Variants in KARS1 observed in about 807,000 individuals in gnomAD.
KARS1 encodes lysyl-tRNA synthetase 1.
KARS1 carries 50 observed loss-of-function variants against 63.9 expected under a neutral mutation model. That is an observed-to-expected ratio of 0.78 (90% CI 0.62 to 0.99). KARS1 has a LOEUF of 0.99. Ranked by LOEUF, KARS1 falls within the 50% of genes least tolerant of loss-of-function variation. The pLI is 0.00. For missense variants in KARS1, 816 were observed against 754.5 expected, an observed-to-expected ratio of 1.08 and a Z score of -0.95; for synonymous variants, 320 against 264.6, an observed-to-expected ratio of 1.21 and a Z score of -2.03.
At chr16:75,640,921 G>A (rs1443665965) in intron 2 of KARS1, among the ~76,000 whole-genome samples, 1 of 152,168 alleles carries the variant, frequency 6.6e-6, no homozygotes, top group African/African-American at 2.4e-5. Flanking sequence ...ACCAAGGAGG[G>A]GCAAGGTGTG....
In KARS1 at chr16:75,631,224, C is replaced by T. The variant is rs1478206375; in HGVS notation, c.1282G>A (p.Val428Met). ...ETRKILDDIC[V>M]AKAVECPPPR... is the part of the protein sequence containing the mutation. The stretch of plus-strand genomic sequence containing the variant: ...GGAGGGCATTCAACAGCTTTTGCCA[C>T]ACAGATATCATCAAGAATTTTGCGA... The change falls in exon 10 of 14, where the codon GTG (valine) becomes ATG (methionine). Residue 428 changes from valine (V) to methionine (M), a missense_variant. By Grantham distance (21) the Val-to-Met change is conservative. Coordinates refer to ENST00000302445, the MANE Select transcript of KARS1 (RefSeq NM_005548.3). The T allele has an allele frequency of 1.9e-6, 3 of 1,613,954 alleles. No homozygotes were observed. The highest frequency in any genetic ancestry group is 2.7e-5 in the African/African-American group (2 of 74,920).
chr16:75,633,090 A>G (rs1053568930), intron 7 of KARS1, among the ~76,000 whole-genome samples: 6 of 152,314 alleles, frequency 3.9e-5, no homozygotes, highest in African/African-American at 1.2e-4. Flanking sequence ...CTGGACTTTA[A>G]TAATTCCTAG....
In KARS1 at chr16:75,629,456, C is replaced by T. The variant is rs768271183; in HGVS notation, c.1510G>A (p.Asp504Asn). ...AAAAGCTGCCGCTGCCGCATGGGAT[C>T]ATTCAGCTCAGTATACGCATTGCAT... Reference protein sequence around the residue: ...EICNAYTELNDPMRQRQLFEE... With the variant: ...EICNAYTELNNPMRQRQLFEE... Residue 504 changes from aspartate to asparagine, a missense_variant, in exon 12 of 14, where the codon GAT (aspartate) becomes AAT (asparagine). By Grantham distance (23) the Asp-to-Asn change is conservative. Transcript: ENST00000302445. 1 of 1,614,210 alleles carries T rather than the reference C, an allele frequency of 6.2e-7. No individual in the cohort carries two copies. Among genetic ancestry groups the T allele is most frequent in the South Asian group, 1.1e-5 (1 of 91,076 alleles).
chr16:75,647,341 C>A, intron 1 of KARS1: 2 of 584,962 alleles, frequency 3.4e-6, no homozygotes, highest in Non-Finnish European at 6.1e-6. Flanking sequence ...AGTCTCTTAA[C>A]TCTAGGAGTA....
In KARS1 at chr16:75,647,618, C is replaced by A. The variant is rs869312925; in HGVS notation, c.22G>T (p.Glu8Ter). 6.2e-7 allele frequency: 1 copy of A among 1,613,436 alleles called. No homozygotes were observed. ...GGCTCGCTGCCATCCACTTTCACCTCGGCCGCCTGCACGGCCGCCATCTTC... is the reference window on the plus strand; with the variant it reads ...GGCTCGCTGCCATCCACTTTCACCTAGGCCGCCTGCACGGCCGCCATCTTC... MAAVQAA[E>*]VKVDGSEPKL... Residue 8 changes from glutamate (E) to a stop codon, truncating the protein, a stop_gained, in exon 1 of 14, where the codon GAG (glutamate) becomes TAG (stop). Coordinates refer to ENST00000302445, the MANE Select transcript of KARS1 (RefSeq NM_005548.3). LOFTEE classifies it high-confidence loss of function.
At chr16:75,635,137 A>G (rs1437041408) in intron 6 of KARS1, among the ~76,000 whole-genome samples, 1 of 152,222 alleles carries the variant, frequency 6.6e-6, no homozygotes, top group African/African-American at 2.4e-5. Context: ...CACAATACAC[A>G]TAGTGTGACT....
chr16:75,636,622 T>A, intron 3 of KARS1, 75 bp from the exon 4 acceptor site: 2 of 921,126 alleles, frequency 2.2e-6, no homozygotes, highest in South Asian at 1.4e-5. Flanking sequence ...AAAAAAAAAC[T>A]CCCTCTGCAT....
chr16:75,633,425 T>A (rs2082132297), intron 7 of KARS1, among the ~76,000 whole-genome samples: 1 of 152,236 alleles, frequency 6.6e-6, no homozygotes, highest in Non-Finnish European at 1.5e-5. Flanking sequence ...TTATAACAGT[T>A]TCTGTTGTCT....
At chr16:75,634,130 T>C (rs2082138806) in intron 7 of KARS1, 43 bp downstream of exon 7, 1 of 1,606,974 alleles carries the variant, frequency 6.2e-7, no homozygotes, top group African/African-American at 1.3e-5. Context: ...GTATTCCAGC[T>C]TTCTGCTTCT....
In KARS1 at chr16:75,628,746, C is replaced by T. The variant is rs760749777; in HGVS notation, c.1552-34G>A. The T allele has an allele frequency of 5.0e-6, 8 of 1,612,816 alleles. No individual in the cohort carries two copies. In the African/African-American group the frequency reaches 5.3e-5, roughly 11 times the overall value. On this transcript the variant is annotated intron_variant, in intron 12 of 13. Coordinates refer to ENST00000302445, the MANE Select transcript of KARS1 (RefSeq NM_005548.3). ...GGAAAGAGAACCAAAAGGTGACCTT[C>T]TTCTAAGATATCTCAGTGTGTGAGT...
intron 11 of KARS1, among the ~76,000 whole-genome samples, 168 bp from the exon 12 acceptor site, chr16:75,629,709 C>T (rs995328583): frequency 6.6e-6 from 1 of 152,212 alleles, no homozygotes; most frequent in Non-Finnish European, 1.5e-5. Context: ...AAGCACTTCT[C>T]CTGCCTCAGC....
At chr16:75,646,748 G>C (rs1370900762) in intron 1 of KARS1, among the ~76,000 whole-genome samples, 1 of 151,444 alleles carries the variant, frequency 6.6e-6, no homozygotes, top group Non-Finnish European at 1.5e-5. Context: ...CTGGGTTAAA[G>C]CGATTCTCCT....
At chr16:75,635,583 C>T in intron 6 of KARS1, 97 bp downstream of exon 6, 1 of 1,362,334 alleles carries the variant, frequency 7.3e-7, no homozygotes, top group South Asian at 1.2e-5. Context: ...CATGAAGGAT[C>T]CTGACACAGG....
chr16:75,629,062 T>C (rs969737443), intron 12 of KARS1: 10 of 464,600 alleles, frequency 2.2e-5, no homozygotes, highest in African/African-American at 1.4e-4. Context: ...CAACACCTGC[T>C]GCAGGCAGCC....
intron 10 of KARS1, among the ~76,000 whole-genome samples, chr16:75,630,751 C>T (rs1227830593): frequency 6.6e-6 from 1 of 152,044 alleles, no homozygotes; most frequent in Non-Finnish European, 1.5e-5. Context: ...TCTCGTGCCT[C>T]AGCCTCCTGA....
chr16:75,629,676 T>C (rs1448363222), intron 11 of KARS1, 135 bp from the exon 12 acceptor site: 1 of 896,666 alleles, frequency 1.1e-6, no homozygotes, highest in Admixed American at 1.8e-5. Flanking sequence ...CTCGGCTCAC[T>C]GCAACCTCTG....
intron 1 of KARS1, among the ~76,000 whole-genome samples, chr16:75,647,188 G>A (rs1022358078): frequency 6.6e-6 from 1 of 152,188 alleles, no homozygotes; most frequent in Non-Finnish European, 1.5e-5. Flanking sequence ...AAAAGCTAGG[G>A]TATTTAACAT....
rs765141659 is a variant in KARS1, at chr16:75,634,174, T to G, written c.914A>C (p.Lys305Thr). The change falls in exon 7 of 14, where the codon AAG becomes ACG. Residue 305 changes from lysine to threonine, a missense_variant and splice_region_variant. Physicochemically the swap from Lys to Thr is moderately conservative, Grantham distance 78. Coordinates refer to ENST00000302445, the MANE Select transcript of KARS1 (RefSeq NM_005548.3). ...AAAGGGTGTACTATTACTGACTACCTTATGATAGAGTTCTGGAGCAATTCT... is the reference window on the plus strand; with the variant it reads ...AAAGGGTGTACTATTACTGACTACCGTATGATAGAGTTCTGGAGCAATTCT... ...YMRIAPELYH[K>T]MLVVGGIDRV... 6.2e-7 allele frequency: 1 copy of G among 1,613,766 alleles called. No homozygotes were observed. Among genetic ancestry groups the G allele is most frequent in the Non-Finnish European group, 8.5e-7 (1 of 1,179,688 alleles).
chr16:75,634,077 C>G (rs1312703237), intron 7 of KARS1, 96 bp downstream of exon 7: 2 of 1,356,214 alleles, frequency 1.5e-6, no homozygotes, highest in East Asian at 2.3e-5. Flanking sequence ...CTGCTTTACT[C>G]TCTCTGTTCC....
Sources: gnomAD v4.1 joint callset for allele counts (sites outside exome capture counted in the v4.1 genomes callset) on GRCh38, gnomAD v4.1.1 for gene constraint, MANE v1.5 for transcripts, NCBI Gene and HGNC (gene_info 2026-07-23, HGNC 2026-07-21) for gene names.